Variants in ITSN1 observed in about 807,000 individuals in gnomAD.
ITSN1 encodes the protein intersectin-1.
ITSN1 carries 58 observed loss-of-function variants against 239.8 expected under a neutral mutation model. That is an observed-to-expected ratio of 0.24 (90% confidence interval 0.20 to 0.30). ITSN1 has a LOEUF of 0.30. Ranked by LOEUF, ITSN1 falls within the 10% of genes least tolerant of loss-of-function variation. The pLI, the probability that ITSN1 is intolerant of heterozygous loss-of-function variation, is 1.00. For synonymous variants in ITSN1, 780 were observed against 770.8 expected, an observed-to-expected ratio of 1.01 and a Z score of -0.20; for missense variants, 1,558 against 2,103.3, an observed-to-expected ratio of 0.74 and a Z score of 5.07.
In ITSN1 at chr21:33,888,471, T is replaced by G. The variant is rs1464357453; in HGVS notation, c.*171T>G. ...AGGAATCATTCTCGACAATCCTCCC[T>G]GCCCCGAAACAATTTCCTGTTTCAT... On this transcript the variant is annotated 3_prime_UTR_variant, in exon 40 of 40. Transcript: ENST00000381318. The G allele has an allele frequency of 1.6e-6, 1 of 640,320 alleles. No homozygotes were observed. Among genetic ancestry groups the G allele is most frequent in the Non-Finnish European group, 2.6e-6 (1 of 383,192 alleles). 39.7% of individuals were successfully genotyped at this position (640,320 alleles called of 1,614,324 possible).
At chr21:33,701,826 G>C (rs2092024630) in intron 1 of ITSN1, among the ~76,000 whole-genome samples, 3 of 151,664 alleles carry the variant, frequency 2.0e-5, no homozygotes, top group Non-Finnish European at 4.4e-5. Context: ...CTAGCACTTT[G>C]GGAGGCTGAG....
chr21:33,883,690 C>T lies in ITSN1; in HGVS notation c.4676+19C>T, dbSNP rs1985304763. The T allele has an allele frequency of 6.2e-7, 1 of 1,610,640 alleles. No homozygotes were observed. The highest frequency in any genetic ancestry group is 1.3e-5 in the African/African-American group (1 of 74,930). ...ATGAAAGGTGAGACCTGCCGCCTCC[C>T]CAGCATGGGCCCCAGGGCTCCACGG... is the stretch of plus-strand genomic sequence containing the variant. On this transcript the variant is annotated intron_variant, in intron 36 of 39. Coordinates refer to ENST00000381318, the MANE Select transcript of ITSN1 (RefSeq NM_003024.3).
At chr21:33,738,438 G>T (rs1256294813) in intron 5 of ITSN1, among the ~76,000 whole-genome samples, 1 of 152,038 alleles carries the variant, frequency 6.6e-6, no homozygotes, top group Non-Finnish European at 1.5e-5. Flanking sequence ...GTCTCACTCT[G>T]TCGCCCAGGC....
chr21:33,803,224 T>C (rs955191381), intron 20 of ITSN1, among the ~76,000 whole-genome samples: 4 of 152,238 alleles, frequency 2.6e-5, no homozygotes, highest in Admixed American at 2.6e-4. Context: ...GTTAGCATGG[T>C]TGTATAAATT....
chr21:33,720,369 A>G (rs1207518490), intron 2 of ITSN1, among the ~76,000 whole-genome samples: 1 of 152,202 alleles, frequency 6.6e-6, no homozygotes, highest in African/African-American at 2.4e-5. Flanking sequence ...AGTTTTGTGG[A>G]AGGTGTCCGA....
chr21:33,840,743 C>T (rs2074793766), intron 29 of ITSN1, among the ~76,000 whole-genome samples: 1 of 152,180 alleles, frequency 6.6e-6, no homozygotes, highest in South Asian at 2.1e-4. Context: ...GGTGATCCAC[C>T]CACCTCGGCC....
At chr21:33,870,418 G>T (rs1982512401) in intron 33 of ITSN1, among the ~76,000 whole-genome samples, 1 of 152,136 alleles carries the variant, frequency 6.6e-6, no homozygotes, top group Non-Finnish European at 1.5e-5. Context: ...AAACACGATT[G>T]ATTTCTTCCA....
intron 29 of ITSN1, among the ~76,000 whole-genome samples, chr21:33,851,592 T>G (rs1024577115): frequency 6.6e-6 from 1 of 151,416 alleles, no homozygotes; most frequent in African/African-American, 2.4e-5. Flanking sequence ...AGAGATGAGG[T>G]TTCACCATGT....
At chr21:33,656,856 G>A (rs943104159) in intron 1 of ITSN1, among the ~76,000 whole-genome samples, 6 of 152,000 alleles carry the variant, frequency 3.9e-5, no homozygotes, top group African/African-American at 1.2e-4. Context: ...GATTACAGGC[G>A]CCTGCCACCA....
intron 24 of ITSN1, among the ~76,000 whole-genome samples, chr21:33,821,135 A>G (rs1279459174): frequency 6.6e-6 from 1 of 152,238 alleles, no homozygotes; most frequent in East Asian, 1.9e-4. Flanking sequence ...CACATAAAGT[A>G]TGAGCATCCT....
chr21:33,666,267 C>T (rs2089923115), intron 1 of ITSN1, among the ~76,000 whole-genome samples: 2 of 152,050 alleles, frequency 1.3e-5, no homozygotes, highest in African/African-American at 4.8e-5. Context: ...CCAGAATAGG[C>T]AAATCTGTGG....
chr21:33,872,352 C>T (rs545237887), intron 33 of ITSN1, among the ~76,000 whole-genome samples: 36 of 152,094 alleles, frequency 2.4e-4, no homozygotes, highest in Non-Finnish European at 3.2e-4. Flanking sequence ...GCATTGTGCT[C>T]AATAACGTGC....
At chr21:33,722,205 G>A (rs1428220014) in intron 3 of ITSN1, among the ~76,000 whole-genome samples, 3 of 152,154 alleles carry the variant, frequency 2.0e-5, no homozygotes, top group Non-Finnish European at 2.9e-5. Flanking sequence ...CCAGAATTTG[G>A]AGTATAGGTA....
At chr21:33,799,442 C>T (rs1053651718) in intron 18 of ITSN1, among the ~76,000 whole-genome samples, 1 of 152,174 alleles carries the variant, frequency 6.6e-6, no homozygotes, top group East Asian at 1.9e-4. Flanking sequence ...CTAACTGCTA[C>T]ATTGTACTCA....
intron 14 of ITSN1, 144 bp from the exon 15 acceptor site, chr21:33,781,317 A>T (rs1045969711): frequency 4.1e-5 from 25 of 609,686 alleles, no homozygotes; most frequent in Non-Finnish European, 7.3e-5. Flanking sequence ...AGCAGGAGCC[A>T]CACCTAATTA....
chr21:33,858,603 C>G, intron 30 of ITSN1, 83 bp from the exon 31 acceptor site: 1 of 846,706 alleles, frequency 1.2e-6, no homozygotes, highest in Non-Finnish European at 2.0e-6. Flanking sequence ...TGAGCCCTTT[C>G]CCTGCTCTCA....
In ITSN1 at chr21:33,893,862, A is replaced by G. The variant is rs1986529017; in HGVS notation, c.*5562A>G. The G allele has an allele frequency of 6.7e-6, 1 of 148,660 alleles. No individual in the cohort carries two copies. The highest frequency in any genetic ancestry group is 1.5e-5 in the Non-Finnish European group (1 of 67,030). The allele number at this position is 148,660 out of a possible 1,614,324, so 9.2% of individuals were successfully genotyped here. A position where few individuals can be genotyped will look rare whatever the true frequency, so the allele number is the denominator to read the frequency against. On this transcript the variant is annotated 3_prime_UTR_variant, in exon 40 of 40. Transcript: ENST00000381318. ...ATCTGTAGGAGCCAGAAAAAAAAAAATCTATTCCTGATAGGCATGGAAACT... is the reference window on the plus strand; with the variant it reads ...ATCTGTAGGAGCCAGAAAAAAAAAAGTCTATTCCTGATAGGCATGGAAACT...
At chr21:33,862,024 G>A (rs79257288) in intron 31 of ITSN1, among the ~76,000 whole-genome samples, 8,787 of 143,394 alleles carry the variant, frequency 0.061, 371 homozygotes, top group East Asian at 0.079. Context: ...AGAGCTGTGC[G>A]TGGTGGCGCA....
chr21:33,789,182 C>T (rs1344166609), intron 16 of ITSN1, among the ~76,000 whole-genome samples: 1 of 152,092 alleles, frequency 6.6e-6, no homozygotes, highest in Admixed American at 6.5e-5. Flanking sequence ...CTCCAAAGGC[C>T]TTCTATAAAT....
Sources: allele counts gnomAD v4.1 joint callset (sites outside exome capture counted in the v4.1 genomes callset), GRCh38; gene constraint gnomAD v4.1.1; transcripts MANE v1.5; gene names NCBI Gene and HGNC (gene_info 2026-07-23, HGNC 2026-07-21).